Variants in MAGI2 observed in about 807,000 individuals in gnomAD.
The protein encoded by MAGI2 is membrane-associated guanylate kinase, WW and PDZ domain-containing protein 2.
Under a neutral mutation model 133.3 loss-of-function variants are expected in MAGI2, and 35 were observed. That is an observed-to-expected ratio of 0.26 (90% CI 0.20 to 0.35). MAGI2 has a LOEUF of 0.35. Ranked by LOEUF, MAGI2 falls within the 10% of genes least tolerant of loss-of-function variation. MAGI2 has a pLI of 1.00. For missense variants in MAGI2, 1,636 were observed against 1,863.4 expected, an observed-to-expected ratio of 0.88 and a Z score of 2.25; for synonymous variants, 729 against 710.6, an observed-to-expected ratio of 1.03 and a Z score of -0.41.
chr7:78,876,137 A>G (rs1440754191), intron 2 of MAGI2, among the ~76,000 whole-genome samples: 1 of 152,136 alleles, frequency 6.6e-6, no homozygotes, highest in African/African-American at 2.4e-5. Flanking sequence ...CCTGGCCAAC[A>G]TGGTGAAACC....
At chr7:78,050,449 T>C (rs1811891665) in intron 21 of MAGI2, among the ~76,000 whole-genome samples, 1 of 152,200 alleles carries the variant, frequency 6.6e-6, no homozygotes, top group Non-Finnish European at 1.5e-5. Context: ...TAGGAATAAA[T>C]ATTCTCAACT....
chr7:78,508,351 A>G (rs1795271383), intron 4 of MAGI2, among the ~76,000 whole-genome samples: 1 of 152,168 alleles, frequency 6.6e-6, no homozygotes, highest in Non-Finnish European at 1.5e-5. Flanking sequence ...AATATTTAAC[A>G]TCTCAAGGAC....
chr7:79,228,647 G>T (rs924834126), intron 1 of MAGI2, among the ~76,000 whole-genome samples: 1 of 152,052 alleles, frequency 6.6e-6, no homozygotes, highest in African/African-American at 2.4e-5. Context: ...AAGAAGACTT[G>T]CATAGAAGCG....
intron 4 of MAGI2, among the ~76,000 whole-genome samples, chr7:78,503,662 A>C (rs1794845286): frequency 8.5e-5 from 9 of 105,820 alleles, no homozygotes; most frequent in East Asian, 3.0e-4. Flanking sequence ...CTCCTCCTTC[A>C]TTCTCTCACC....
intron 2 of MAGI2, among the ~76,000 whole-genome samples, chr7:78,873,751 C>A (rs1402086547): frequency 6.6e-6 from 1 of 152,020 alleles, no homozygotes; most frequent in Non-Finnish European, 1.5e-5. Flanking sequence ...TCCCTGGTAC[C>A]AAAAAGGTTG....
chr7:79,295,699 TA>T (rs1836874923), intron 1 of MAGI2, among the ~76,000 whole-genome samples: 1 of 151,996 alleles, frequency 6.6e-6, no homozygotes, highest in Non-Finnish European at 1.5e-5. Flanking sequence ...GAAGCCAGGC[TA>T]GCTTTACGAA....
chr7:78,721,019 G>A (rs1482391808), intron 2 of MAGI2, among the ~76,000 whole-genome samples: 1 of 152,014 alleles, frequency 6.6e-6, no homozygotes, highest in Non-Finnish European at 1.5e-5. Flanking sequence ...TTTTCTAGAA[G>A]AACTCTGAAG....
At chr7:78,209,649 CTTCT>C (rs1461718597) in intron 10 of MAGI2, among the ~76,000 whole-genome samples, 1 of 151,280 alleles carries the variant, frequency 6.6e-6, no homozygotes, top group Non-Finnish European at 1.5e-5. Context: ...TTCAAATCTC[CTTCT>C]ATTTACCTCC....
chr7:79,045,394 A>G (rs1273211865), intron 1 of MAGI2, among the ~76,000 whole-genome samples: 1 of 152,224 alleles, frequency 6.6e-6, no homozygotes, highest in African/African-American at 2.4e-5. Flanking sequence ...GTTAATTTTA[A>G]ACATTTACTT....
chr7:78,615,414 T>G (rs1806971215), intron 3 of MAGI2: 1 of 152,192 alleles, frequency 6.6e-6, no homozygotes. Flanking sequence ...ATCAAAAAGG[T>G]GTTCTCTGGA....
chr7:78,481,782 TA>T (rs1477970271), intron 6 of MAGI2, among the ~76,000 whole-genome samples: 2 of 151,560 alleles, frequency 1.3e-5, no homozygotes, highest in African/African-American at 4.8e-5. Context: ...ACAACAGACT[TA>T]AACATAAAAA....
intron 7 of MAGI2, among the ~76,000 whole-genome samples, chr7:78,365,936 C>T (rs1793331266): frequency 6.6e-6 from 1 of 152,196 alleles, no homozygotes; most frequent in African/African-American, 2.4e-5. Flanking sequence ...CAGAGCCCAA[C>T]CTGTAACTTC....
chr7:78,317,958 C>T (rs1347952198), intron 9 of MAGI2, among the ~76,000 whole-genome samples: 3 of 152,172 alleles, frequency 2.0e-5, no homozygotes, highest in Non-Finnish European at 2.9e-5. Context: ...ACAGAAACCC[C>T]GTTGGAAGGT....
intron 1 of MAGI2, among the ~76,000 whole-genome samples, chr7:79,229,318 A>G (rs1368296996): frequency 6.6e-6 from 1 of 152,176 alleles, no homozygotes; most frequent in Non-Finnish European, 1.5e-5. Context: ...AAAACCCCAT[A>G]CATGCTACAA....
intron 20 of MAGI2, among the ~76,000 whole-genome samples, chr7:78,088,096 G>C (rs749200062): frequency 3.4e-4 from 52 of 152,098 alleles, no homozygotes; most frequent in Admixed American, 9.2e-4. Context: ...AAATCAAAGA[G>C]GAAACTTTCT....
chr7:78,448,169 T>C (rs549764939), intron 6 of MAGI2, among the ~76,000 whole-genome samples: 1 of 152,206 alleles, frequency 6.6e-6, no homozygotes, highest in East Asian at 1.9e-4. Context: ...ACTAATTCAC[T>C]GATGTACACT....
At chr7:78,461,948 G>GA (rs375464129) in intron 6 of MAGI2, among the ~76,000 whole-genome samples, 26,171 of 78,834 alleles carry the variant, frequency 0.33, 2,914 homozygotes, top group Middle Eastern at 0.41. Context: ...AAAAAAAAAA[G>GA]AAAGAAAGAA....
rs1358643168 is a variant in MAGI2, at chr7:78,591,880, C to G, written c.538+35240G>C. 3.3e-5 allele frequency among the ~76,000 whole-genome samples: 5 copies of G among 152,048 alleles called. No individual in the cohort carries two copies. In the East Asian group the frequency reaches 9.6e-4, roughly 29 times the overall value. ...ATCAGTCACAAAAATATAAGAAGAG[C>G]AAGATGTTACAAACAATAAAAGCTG... On this transcript the variant is annotated intron_variant, in intron 3 of 21. Coordinates refer to ENST00000354212, the MANE Select transcript of MAGI2 (RefSeq NM_012301.4).
intron 16 of MAGI2, among the ~76,000 whole-genome samples, chr7:78,144,257 CA>C (rs1459795237): frequency 6.6e-6 from 1 of 152,120 alleles, no homozygotes; most frequent in Non-Finnish European, 1.5e-5. Flanking sequence ...GACCCAAATG[CA>C]AACATTTTAA....
Sources: allele counts gnomAD v4.1 joint callset (sites outside exome capture counted in the v4.1 genomes callset), GRCh38; gene constraint gnomAD v4.1.1; transcripts MANE v1.5; gene names NCBI Gene and HGNC (gene_info 2026-07-23, HGNC 2026-07-21).